The following VGLL4 variants were observed in gnomAD, a reference collection of about 807,000 sequenced individuals.
The protein encoded by VGLL4 is vestigial like family member 4.
Under a neutral mutation model 21.0 loss-of-function variants are expected in VGLL4, and 7 were observed. That is an observed-to-expected ratio of 0.33 (90% CI 0.19 to 0.63). The LOEUF (loss-of-function observed/expected upper bound fraction) is 0.63, where lower values mean the gene tolerates loss of function less well. VGLL4 is among the 20% of genes least tolerant of loss of function. The probability of loss-of-function intolerance (pLI) is 0.78; values close to 1 mark genes in which losing one functional copy is unlikely to be tolerated. For synonymous variants in VGLL4, 222 were observed against 173.2 expected, an observed-to-expected ratio of 1.28 and a Z score of -2.21; for missense variants, 394 against 425.7, an observed-to-expected ratio of 0.93 and a Z score of 0.66.
At chr3:11,656,041 G>C (rs1055188613) in intron 2 of VGLL4, among the ~76,000 whole-genome samples, 4 of 152,208 alleles carry the variant, frequency 2.6e-5, no homozygotes, top group Admixed American at 6.5e-5. Context: ...GAAGAATGAA[G>C]GAAGTCAGGA....
At position 11,719,152 on chromosome 3, in the gene VGLL4, C is replaced by A. The variant is rs766650926; in HGVS notation, c.-14+1242G>T. Among the ~76,000 whole-genome samples, 1 of 152,202 alleles carries A rather than the reference C, an allele frequency of 6.6e-6. No individual in the cohort carries two copies. The highest frequency in any genetic ancestry group is 2.4e-5 in the African/African-American group (1 of 41,462). Reference sequence around the variant, plus strand: ...CCCCTTCCCGCAGTCCACATCACAGCCCTCCCTGAGGCCGGCGGGGACCGC... The same window carrying A: ...CCCCTTCCCGCAGTCCACATCACAGACCTCCCTGAGGCCGGCGGGGACCGC... On this transcript the variant is annotated intron_variant, in intron 1 of 5. Transcript: ENST00000273038. The surrounding 1 kb of genome is among the most constrained non-coding windows in gnomAD (Gnocchi z 4.0).
At chr3:11,564,730 G>A in intron 3 of VGLL4, 67 bp downstream of exon 3, 2 of 1,475,288 alleles carry the variant, frequency 1.4e-6, no homozygotes, top group South Asian at 1.2e-5. Flanking sequence ...TCTGCTCGGG[G>A]CTCTCCATCC....
At chr3:11,670,195 C>T (rs964063207) in intron 2 of VGLL4, among the ~76,000 whole-genome samples, 2 of 130,476 alleles carry the variant, frequency 1.5e-5, no homozygotes. Context: ...TTTTTCTACG[C>T]CCCTCCCACA....
At chr3:11,574,554 A>G (rs992774688) in intron 2 of VGLL4, among the ~76,000 whole-genome samples, 10 of 152,276 alleles carry the variant, frequency 6.6e-5, no homozygotes, top group South Asian at 6.2e-4. Context: ...CCAGGTAGGA[A>G]GAGTAAGTTC....
chr3:11,671,864 T>G (rs991085016), intron 2 of VGLL4, among the ~76,000 whole-genome samples: 6 of 152,222 alleles, frequency 3.9e-5, no homozygotes, highest in Non-Finnish European at 8.8e-5. Context: ...CATATTTGCC[T>G]AAAATTCTAG....
chr3:11,634,719 C>T (rs1043638296), intron 1 of VGLL4, among the ~76,000 whole-genome samples: 25 of 152,042 alleles, frequency 1.6e-4, no homozygotes, highest in African/African-American at 4.6e-4. Flanking sequence ...ACTCTGTTGC[C>T]CAGGCCAGAG....
At chr3:11,567,632 GCAATGAATGCCT>G (rs910626832) in intron 2 of VGLL4, among the ~76,000 whole-genome samples, 2 of 152,164 alleles carry the variant, frequency 1.3e-5, no homozygotes, top group African/African-American at 4.8e-5. Flanking sequence ...ACAGGTTTCT[GCAATGAATGCCT>G]CAAGGGTTAT....
At chr3:11,570,612 A>G (rs1277182912) in intron 2 of VGLL4, among the ~76,000 whole-genome samples, 2 of 152,272 alleles carry the variant, frequency 1.3e-5, no homozygotes, top group Non-Finnish European at 2.9e-5. Context: ...GTGTGAGTCC[A>G]GTTAACAGCG....
chr3:11,677,428 C>T (rs2076307529), intron 2 of VGLL4, among the ~76,000 whole-genome samples: 1 of 152,012 alleles, frequency 6.6e-6, no homozygotes, highest in Non-Finnish European at 1.5e-5. Flanking sequence ...TGCCACCACA[C>T]CCAGCTAATT....
chr3:11,630,371 G>A (rs575021339), intron 1 of VGLL4, among the ~76,000 whole-genome samples: 79 of 152,240 alleles, frequency 5.2e-4, no homozygotes, highest in African/African-American at 1.8e-3. Context: ...CTGGCCGGGC[G>A]TGGTGGCTCA....
At chr3:11,650,168 T>C (rs62245806) in intron 2 of VGLL4, among the ~76,000 whole-genome samples, 12,218 of 152,118 alleles carry the variant, frequency 0.08, 879 homozygotes, top group African/African-American at 0.17. Context: ...CTCCTGGCCT[T>C]AAGCCATCCA....
intron 2 of VGLL4, among the ~76,000 whole-genome samples, chr3:11,697,940 C>A (rs1310817776): frequency 6.6e-6 from 1 of 152,202 alleles, no homozygotes; most frequent in Non-Finnish European, 1.5e-5. Flanking sequence ...CCCCATCCAG[C>A]CTTGCTGATC....
intron 2 of VGLL4, among the ~76,000 whole-genome samples, chr3:11,584,440 G>A (rs2074314552): frequency 6.6e-6 from 1 of 152,150 alleles, no homozygotes; most frequent in African/African-American, 2.4e-5. Flanking sequence ...CCTGTGGGAA[G>A]ATGCCGAGAG....
intron 2 of VGLL4, among the ~76,000 whole-genome samples, chr3:11,678,539 G>A (rs1206210932): frequency 1.3e-5 from 2 of 152,126 alleles, no homozygotes; most frequent in Admixed American, 6.6e-5. Context: ...GCTTAGCTGT[G>A]ACCTTAGCAT....
chr3:11,644,055 G>C, upstream of VGLL4: 1 of 936,416 alleles, frequency 1.1e-6, no homozygotes, highest in Non-Finnish European at 1.3e-6. Context: ...GAAAGAGAAA[G>C]GGGAGGGGGA....
intron 3 of VGLL4, 51 bp from the exon 4 acceptor site, chr3:11,559,506 A>G: frequency 6.7e-7 from 1 of 1,497,106 alleles, no homozygotes; most frequent in East Asian, 2.5e-5. Flanking sequence ...AGTACCGGGC[A>G]CCACCCCTGG....
intron 2 of VGLL4, among the ~76,000 whole-genome samples, chr3:11,573,327 GAAAGAAAGA>G (rs1559870362): frequency 2.5e-5 from 1 of 39,478 alleles, no homozygotes; most frequent in East Asian, 8.1e-4. Context: ...AAGAAAGAAA[GAAAGAAAGA>G]AAGAAAGAAA....
rs551232350 is a variant in VGLL4 at position 11,653,526 on chromosome 3, T to A, written c.64+49445A>T. ...CTCCAATATATCGCAGATCCTTCATTCTACCACTGATGGGCATTTAGGTAG... is the reference window on the plus strand; with the variant it reads ...CTCCAATATATCGCAGATCCTTCATACTACCACTGATGGGCATTTAGGTAG... On this transcript the variant is annotated intron_variant, in intron 2 of 5. Coordinates refer to the VGLL4 transcript ENST00000273038. This position sits in a 1 kb window ranked among gnomAD's most constrained non-coding sequence, Gnocchi z 4.2. Among the ~76,000 whole-genome samples, 14 of 152,332 alleles carry A rather than the reference T, an allele frequency of 9.2e-5. No individual in the cohort carries two copies. The highest frequency in any genetic ancestry group is 2.9e-4 in the African/African-American group (12 of 41,578).
intron 2 of VGLL4, among the ~76,000 whole-genome samples, chr3:11,575,509 C>T (rs187128738): frequency 8.5e-5 from 13 of 152,330 alleles, no homozygotes; most frequent in Admixed American, 5.9e-4. Flanking sequence ...TGGGTCCCTC[C>T]TTTCCTTGGG....
Sources: gnomAD v4.1 joint callset for allele counts (sites outside exome capture counted in the v4.1 genomes callset) on GRCh38, gnomAD v4.1.1 for gene constraint, Gnocchi (gnomAD v3.1) non-coding constraint, MANE v1.5 for transcripts, NCBI Gene and HGNC (gene_info 2026-07-23, HGNC 2026-07-21) for gene names.